ADAMTS19: variants seen among roughly 807,000 people sequenced by gnomAD.
The protein encoded by ADAMTS19 is ADAM metallopeptidase with thrombospondin type 1 motif 19.
A neutral mutation model predicts 153.3 loss-of-function variants in ADAMTS19; 93 were observed. The ratio of observed to expected loss-of-function variants is 0.61; its 90% CI spans 0.51 to 0.72. The LOEUF (loss-of-function observed/expected upper bound fraction) is 0.72. Among genes scored for constraint, ADAMTS19 ranks in the 30% least tolerant of loss-of-function variants. The pLI is 0.00. For synonymous variants in ADAMTS19, 600 were observed against 556.6 expected (o/e 1.08, Z -1.10); for missense variants, 1,482 against 1,552.1 (o/e 0.95, Z 0.76).
chr5:129,666,735 G>T (rs2127085598), intron 16 of ADAMTS19, among the ~76,000 whole-genome samples: 1 of 152,164 alleles, frequency 6.6e-6, no homozygotes, highest in East Asian at 1.9e-4. Context: ...GATCATACAA[G>T]ATTTTCAAAT....
chr5:129,594,577 T>C (rs1313776910), intron 7 of ADAMTS19, among the ~76,000 whole-genome samples: 1 of 152,116 alleles, frequency 6.6e-6, no homozygotes, highest in African/African-American at 2.4e-5. Flanking sequence ...TTATCCTCCT[T>C]CTTTCTTTTC....
intron 8 of ADAMTS19, among the ~76,000 whole-genome samples, chr5:129,615,755 T>C (rs897930369): frequency 1.3e-5 from 2 of 151,930 alleles, no homozygotes. Context: ...TTTTGGTTGA[T>C]AGCAATAGAA....
intron 2 of ADAMTS19, among the ~76,000 whole-genome samples, chr5:129,499,008 A>C (rs1364421420): frequency 6.6e-6 from 1 of 152,036 alleles, no homozygotes; most frequent in Non-Finnish European, 1.5e-5. Flanking sequence ...CAGGTATTTA[A>C]TAGGTATATT....
At chr5:129,629,097 C>G (rs1419271914) in intron 10 of ADAMTS19, among the ~76,000 whole-genome samples, 1 of 152,040 alleles carries the variant, frequency 6.6e-6, no homozygotes, top group African/African-American at 2.4e-5. Flanking sequence ...ATGGTAAGCT[C>G]CTTAACATTA....
intron 2 of ADAMTS19, among the ~76,000 whole-genome samples, chr5:129,480,814 T>G (rs1750381554): frequency 6.6e-6 from 1 of 151,958 alleles, no homozygotes; most frequent in Non-Finnish European, 1.5e-5. Flanking sequence ...TTCCGCAAAA[T>G]GGATGAATGA....
chr5:129,723,335 C>G (rs7718814), intron 21 of ADAMTS19, among the ~76,000 whole-genome samples: 2,950 of 152,156 alleles, frequency 0.019, 82 homozygotes, highest in African/African-American at 0.065. Flanking sequence ...CTCTTATTAC[C>G]TGGCATAAGA....
intron 3 of ADAMTS19, among the ~76,000 whole-genome samples, chr5:129,515,394 A>G (rs112762596): frequency 0.019 from 2,834 of 152,020 alleles, 90 homozygotes; most frequent in African/African-American, 0.065. Context: ...TAGTATGGAC[A>G]TTTTAGCAAT....
At chr5:129,685,103 A>G (rs983705213) in intron 18 of ADAMTS19, among the ~76,000 whole-genome samples, 1 of 152,186 alleles carries the variant, frequency 6.6e-6, no homozygotes, top group Non-Finnish European at 1.5e-5. Flanking sequence ...GCAGTTAGGT[A>G]TATAAGTCTG....
intron 21 of ADAMTS19, among the ~76,000 whole-genome samples, chr5:129,727,662 T>C (rs1050152679): frequency 2.6e-5 from 4 of 152,198 alleles, no homozygotes; most frequent in Non-Finnish European, 5.9e-5. Flanking sequence ...TGTGAATTTA[T>C]GTGAGCCTCT....
intron 7 of ADAMTS19, among the ~76,000 whole-genome samples, chr5:129,579,128 G>A (rs1027377044): frequency 3.3e-5 from 5 of 152,218 alleles, no homozygotes; most frequent in Admixed American, 1.3e-4. Context: ...CTTAATGATC[G>A]CCATTCTAAC....
chr5:129,622,175 T>C, intron 9 of ADAMTS19, 23 bp from the exon 10 acceptor site: 1 of 1,613,860 alleles, frequency 6.2e-7, no homozygotes, highest in Non-Finnish European at 8.5e-7. Flanking sequence ...TTCAAAAGTT[T>C]ACACATACCT....
At chr5:129,589,359 T>C (rs959126355) in intron 7 of ADAMTS19, among the ~76,000 whole-genome samples, 5 of 151,922 alleles carry the variant, frequency 3.3e-5, no homozygotes, top group Non-Finnish European at 5.9e-5. Flanking sequence ...TAATGCTTAT[T>C]GTAATAGATA....
intron 6 of ADAMTS19, among the ~76,000 whole-genome samples, chr5:129,532,494 G>A (rs1190689717): frequency 4.6e-5 from 7 of 152,054 alleles, no homozygotes; most frequent in African/African-American, 1.7e-4. Flanking sequence ...TTGTTGGTGG[G>A]ATTATAAAAT....
intron 10 of ADAMTS19, among the ~76,000 whole-genome samples, chr5:129,627,491 A>C (rs1752101498): frequency 6.6e-6 from 1 of 152,080 alleles, no homozygotes; most frequent in African/African-American, 2.4e-5. Flanking sequence ...TTCCACAAAA[A>C]TAAAATTTGA....
chr5:129,713,808 G>T (rs1459986356), intron 21 of ADAMTS19, among the ~76,000 whole-genome samples: 1 of 138,484 alleles, frequency 7.2e-6, no homozygotes, highest in Non-Finnish European at 1.6e-5. Flanking sequence ...ACAGAGCCAT[G>T]GGCCCTGAGC....
chr5:129,533,453 C>A (rs1202698835), intron 6 of ADAMTS19, among the ~76,000 whole-genome samples: 1 of 151,940 alleles, frequency 6.6e-6, no homozygotes, highest in Non-Finnish European at 1.5e-5. Flanking sequence ...CCTTTGTCAT[C>A]TTTTATTGCG....
intron 2 of ADAMTS19, among the ~76,000 whole-genome samples, chr5:129,505,693 A>G (rs1418470779): frequency 2.0e-5 from 3 of 152,162 alleles, no homozygotes; most frequent in Non-Finnish European, 2.9e-5. Context: ...GCAATGCTAA[A>G]TTGCAAAATA....
intron 21 of ADAMTS19, among the ~76,000 whole-genome samples, chr5:129,720,171 T>TA (rs1756928515): frequency 7.7e-6 from 1 of 130,350 alleles, no homozygotes; most frequent in African/African-American, 3.0e-5. Context: ...TATATATATA[T>TA]TTATTTTTTT....
At chr5:129,639,515 C>G (rs1387775478) in intron 10 of ADAMTS19, among the ~76,000 whole-genome samples, 1 of 152,068 alleles carries the variant, frequency 6.6e-6, no homozygotes, top group East Asian at 1.9e-4. Context: ...GAAAAGCTGC[C>G]AAGTTTGCTT....
Sources: gnomAD v4.1 joint callset for allele counts (sites outside exome capture counted in the v4.1 genomes callset) on GRCh38, gnomAD v4.1.1 for gene constraint, MANE v1.5 for transcripts, NCBI Gene and HGNC (gene_info 2026-07-23, HGNC 2026-07-21) for gene names.